MYBPC1: variants seen among roughly 807,000 people sequenced by gnomAD.
MYBPC1 encodes myosin binding protein C1, also known as myosin-binding protein C, slow-type.
MYBPC1 carries 52 observed loss-of-function variants against 147.1 expected under a neutral mutation model. The ratio of observed to expected loss-of-function variants is 0.35; its 90% CI spans 0.28 to 0.45. The LOEUF (loss-of-function observed/expected upper bound fraction) is 0.45, where lower values mean the gene tolerates loss of function less well. Among genes scored for constraint, MYBPC1 ranks in the 20% least tolerant of loss-of-function variants. The pLI, the probability that MYBPC1 is intolerant of heterozygous loss-of-function variation, is 1.00. For missense variants in MYBPC1, 1,228 were observed against 1,440.3 expected, an observed-to-expected ratio of 0.85 and a Z score of 2.39; for synonymous variants, 477 against 475.9, an observed-to-expected ratio of 1.00 and a Z score of -0.03.
In MYBPC1 at chr12:101,626,913, T is replaced by C; in HGVS notation, c.142+3T>C. On this transcript the variant is annotated splice_donor_region_variant and intron_variant, in intron 4 of 31. Transcript: ENST00000361466. ...CCCGCCTAGCGCCTTGCCTCCAGGT[T>C]GGGATAATTTCTACCCTTTTCCCTG... 1 of 1,609,098 alleles carries C rather than the reference T, an allele frequency of 6.2e-7. No individual in the cohort carries two copies.
chr12:101,660,603 C>T (rs117916378), intron 19 of MYBPC1: 2,457 of 162,954 alleles, frequency 0.015, 29 homozygotes, highest in Non-Finnish European at 0.022. Flanking sequence ...CTCATCTTCC[C>T]TTATCCCATA....
At position 101,661,222 on chromosome 12, in the gene MYBPC1, C is replaced by G. The variant is rs150574982; in HGVS notation, c.1992C>G (p.Asn664Lys). The G allele has an allele frequency of 2.5e-6, 4 of 1,613,810 alleles. No homozygotes were observed. The highest frequency in any genetic ancestry group is 3.4e-6 in the Non-Finnish European group (4 of 1,179,946). The change falls in exon 20 of 32, where the codon AAC becomes AAG. Residue 664 changes from asparagine to lysine, a missense_variant. Around this residue, in one of 2 missense-constraint regions of MYBPC1, gnomAD observed 1,077 missense variants for 1,314.2 expected, o/e 0.82. Coordinates refer to ENST00000361466, the MANE Select transcript of MYBPC1 (RefSeq NM_002465.4). Reference sequence around the variant, plus strand: ...TGGGAGATGACTGGTGTATCATGAACTGGGAGCCTCCTGCCTACGACGGAG... The same window carrying G: ...TGGGAGATGACTGGTGTATCATGAAGTGGGAGCCTCCTGCCTACGACGGAG... ...TEVGDDWCIM[N>K]WEPPAYDGGS...
In MYBPC1 at chr12:101,648,048, C is replaced by T. The variant is rs1289648279; in HGVS notation, c.1094C>T (p.Pro365Leu). 1.2e-6 allele frequency: 2 copies of T among 1,608,518 alleles called. No homozygotes were observed. The highest frequency in any genetic ancestry group is 1.3e-5 in the African/African-American group (1 of 74,776). The change falls in exon 14 of 32, where the codon CCT becomes CTT. Residue 365 changes from proline to leucine, a missense_variant. By Grantham distance (98) the Pro-to-Leu change is moderately conservative (BLOSUM62 -3). Transcript: ENST00000361466. ...KCSTELFVREPPIMVTKQLED... is the reference protein window; with the variant it reads ...KCSTELFVRELPIMVTKQLED... ...ATTTCCCCTTTTTGTATACTAGAGC[C>T]TCCAATTATGGTGACCAAACAGCTG...
chr12:101,642,030 C>T (rs1027065546), intron 10 of MYBPC1, among the ~76,000 whole-genome samples: 1 of 152,060 alleles, frequency 6.6e-6, no homozygotes, highest in African/African-American at 2.4e-5. Context: ...TAGTTCTAGT[C>T]CAATTTTCAA....
chr12:101,629,464 A>G lies in MYBPC1; in HGVS notation c.209A>G (p.Glu70Gly), dbSNP rs1348064040. 2.5e-6 allele frequency: 4 copies of G among 1,613,820 alleles called. No homozygotes were observed. In the East Asian group the frequency reaches 8.9e-5, roughly 36 times the overall value. The change falls in exon 6 of 32, where the codon GAG becomes GGG. Residue 70 changes from glutamate to glycine, a missense_variant. Coordinates refer to ENST00000361466, the MANE Select transcript of MYBPC1 (RefSeq NM_002465.4). The stretch of plus-strand genomic sequence containing the variant: ...ACCCTTGTCGAAACTCCTCCTGGGG[A>G]GGAACAAGCCAAGCAGAATGCCAAC... Reference protein sequence around the residue: ...DWTLVETPPGEEQAKQNANSQ... With the variant: ...DWTLVETPPGGEQAKQNANSQ...
chr12:101,616,528 G>C (rs1565900435), intron 2 of MYBPC1, among the ~76,000 whole-genome samples: 1 of 152,104 alleles, frequency 6.6e-6, no homozygotes, highest in Non-Finnish European at 1.5e-5. Context: ...CGAAAAAAGA[G>C]AATGCATTCT....
intron 11 of MYBPC1, among the ~76,000 whole-genome samples, chr12:101,644,315 G>C (rs1169208097): frequency 6.6e-6 from 1 of 152,202 alleles, no homozygotes; most frequent in Non-Finnish European, 1.5e-5. Context: ...GGGATTACAG[G>C]AGTGAGCCAC....
At chr12:101,626,354 A>G (rs895471843) in intron 3 of MYBPC1, among the ~76,000 whole-genome samples, 1 of 152,204 alleles carries the variant, frequency 6.6e-6, no homozygotes, top group Non-Finnish European at 1.5e-5. Context: ...AAAAATGCTT[A>G]TAAAGTTTAT....
At chr12:101,603,357 AAAG>A (rs1416193914) in intron 1 of MYBPC1, among the ~76,000 whole-genome samples, 6 of 152,024 alleles carry the variant, frequency 3.9e-5, no homozygotes, top group Admixed American at 6.5e-5. Context: ...AAAAAAAAAA[AAAG>A]AAGATTTCTC....
downstream of MYBPC1, among the ~76,000 whole-genome samples, chr12:101,686,754 C>T (rs1209421742): frequency 3.9e-5 from 6 of 151,918 alleles, no homozygotes; most frequent in African/African-American, 1.5e-4. Context: ...TTTTTTCTTT[C>T]CAGATTTTAG....
At chr12:101,626,664 A>G (rs1888681700) in intron 3 of MYBPC1, among the ~76,000 whole-genome samples, 2 of 151,990 alleles carry the variant, frequency 1.3e-5, no homozygotes, top group Non-Finnish European at 2.9e-5. Flanking sequence ...GGATTACCCT[A>G]CTCTGTCAAC....
At chr12:101,660,903 A>C (rs184366302) in intron 19 of MYBPC1, among the ~76,000 whole-genome samples, 30 of 152,266 alleles carry the variant, frequency 2.0e-4, no homozygotes, top group African/African-American at 7.2e-4. Flanking sequence ...GTATGTGGGA[A>C]ACTGCCCCTG....
At chr12:101,604,471 A>C (rs1881365281) in intron 1 of MYBPC1, among the ~76,000 whole-genome samples, 1 of 152,220 alleles carries the variant, frequency 6.6e-6, no homozygotes, top group Non-Finnish European at 1.5e-5. Flanking sequence ...AATTGATTGA[A>C]TCATTCTGAA....
chr12:101,664,716 C>A (rs986509041), intron 22 of MYBPC1: 1 of 152,128 alleles, frequency 6.6e-6, no homozygotes, highest in Non-Finnish European at 1.5e-5. Context: ...CCCCTCAATC[C>A]CTCTTGCACC....
At chr12:101,595,293 C>T (rs539988212) in intron 1 of MYBPC1, among the ~76,000 whole-genome samples, 198 bp downstream of exon 1, 4 of 151,904 alleles carry the variant, frequency 2.6e-5, no homozygotes, top group African/African-American at 4.8e-5. Context: ...TTTCTGATAA[C>T]GATAGTTTCT....
chr12:101,648,837 A>C (rs1366378795), intron 14 of MYBPC1, among the ~76,000 whole-genome samples: 1 of 152,216 alleles, frequency 6.6e-6, no homozygotes, highest in Non-Finnish European at 1.5e-5. Context: ...TTAAAATGAA[A>C]TGTTATGTTG....
intron 26 of MYBPC1, among the ~76,000 whole-genome samples, chr12:101,676,945 G>C (rs1900132533): frequency 6.6e-6 from 1 of 151,980 alleles, no homozygotes; most frequent in Non-Finnish European, 1.5e-5. Flanking sequence ...GACACCTAAA[G>C]GTTATGAAAA....
chr12:101,636,025 A>AT (rs1369668980), intron 9 of MYBPC1, among the ~76,000 whole-genome samples: 2 of 152,156 alleles, frequency 1.3e-5, no homozygotes, highest in African/African-American at 4.8e-5. Context: ...TTCAAGACAA[A>AT]TTTTTTTAAA....
Position 101,662,420 on chromosome 12 carries a change from T to C in MYBPC1, c.2095T>C (p.Cys699Arg). 3 of 1,614,244 alleles carry C rather than the reference T, an allele frequency of 1.9e-6. No homozygotes were observed. Among genetic ancestry groups the C allele is most frequent in the Non-Finnish European group, 2.5e-6 (3 of 1,180,046 alleles). ...GTGGATGAGGCTGAATTTTGATCTCTGCAAAGAAACAACTTTTGAGCCCAA... is the reference window on the plus strand; with the variant it reads ...GTGGATGAGGCTGAATTTTGATCTCCGCAAAGAAACAACTTTTGAGCCCAA... The part of the protein sequence containing the change: ...SRWMRLNFDL[C>R]KETTFEPKKM... Residue 699 changes from cysteine to arginine, a missense_variant, in exon 21 of 32, where the codon TGC (cysteine) becomes CGC (arginine). By Grantham distance (180) the Cys-to-Arg change is radical. Around this residue, in one of 2 missense-constraint regions of MYBPC1, gnomAD observed 1,077 missense variants for 1,314.2 expected, o/e 0.82. Coordinates refer to ENST00000361466, the MANE Select transcript of MYBPC1 (RefSeq NM_002465.4).
Sources: gnomAD v4.1 joint callset for allele counts (sites outside exome capture counted in the v4.1 genomes callset) on GRCh38, gnomAD v4.1.1 for gene constraint, gnomAD v4.1.1 regional missense constraint, MANE v1.5 for transcripts, NCBI Gene and HGNC (gene_info 2026-07-23, HGNC 2026-07-21) for gene names.